The following WDR47 variants were observed in gnomAD, a reference collection of about 807,000 sequenced individuals.
The protein encoded by WDR47 is WD repeat-containing protein 47.
A neutral mutation model predicts 97.2 loss-of-function variants in WDR47; 32 were observed. That is an observed-to-expected ratio of 0.33 (90% CI 0.25 to 0.44). The LOEUF (loss-of-function observed/expected upper bound fraction) is 0.44. Among genes scored for constraint, WDR47 ranks in the 20% least tolerant of loss-of-function variants. WDR47 has a pLI of 1.00. For missense variants in WDR47, 782 were observed against 1,102.3 expected, an observed-to-expected ratio of 0.71 and a Z score of 4.11; for synonymous variants, 375 against 373.5, an observed-to-expected ratio of 1.00 and a Z score of -0.05.
intron 4 of WDR47, 140 bp from the exon 5 acceptor site, chr1:109,011,858 T>C (rs369773026): frequency 1.2e-5 from 9 of 774,638 alleles, no homozygotes; most frequent in Non-Finnish European, 1.4e-5. Context: ...GCTTTCAAGA[T>C]AGGAACATAA....
At chr1:109,015,491 T>TC (rs1172806492) in intron 3 of WDR47, among the ~76,000 whole-genome samples, 3 of 120,386 alleles carry the variant, frequency 2.5e-5, no homozygotes, top group African/African-American at 1.0e-4. Flanking sequence ...ATCCAGCCAA[T>TC]TTTTTTTTGT....
chr1:108,983,691 C>A (rs543643998), intron 10 of WDR47, among the ~76,000 whole-genome samples: 3 of 150,182 alleles, frequency 2.0e-5, no homozygotes, highest in African/African-American at 7.4e-5. Flanking sequence ...ACAGGATATA[C>A]GACTTAAAAA....
At chr1:109,028,362 GTTTTTTTTTTT>G (rs372929187) in intron 1 of WDR47, among the ~76,000 whole-genome samples, 1 of 79,788 alleles carries the variant, frequency 1.3e-5, no homozygotes, top group Non-Finnish European at 2.1e-5. Flanking sequence ...TTTTTGTTGG[GTTTTTTTTTTT>G]TTTTTTTTTT....
chr1:108,974,409 A>G, intron 14 of WDR47, 127 bp downstream of exon 14: 1 of 702,140 alleles, frequency 1.4e-6, no homozygotes, highest in South Asian at 2.0e-5. Context: ...ATAGTCTCAG[A>G]ATCTGCTCAA....
intron 1 of WDR47, among the ~76,000 whole-genome samples, chr1:109,036,330 A>G (rs931288761): frequency 4.8e-5 from 7 of 147,252 alleles, no homozygotes; most frequent in African/African-American, 1.8e-4. Flanking sequence ...TCCCAGCACT[A>G]TAGGAGCCTG....
At chr1:109,011,828 A>G in intron 4 of WDR47, 110 bp from the exon 5 acceptor site, 1 of 1,011,530 alleles carries the variant, frequency 9.9e-7, no homozygotes, top group Non-Finnish European at 1.4e-6. Context: ...ATACTCATAT[A>G]ATTTGTAGGA....
At chr1:108,996,293 C>A (rs35418560) in intron 7 of WDR47, among the ~76,000 whole-genome samples, 10,524 of 152,208 alleles carry the variant, frequency 0.069, 479 homozygotes, top group Middle Eastern at 0.13. Flanking sequence ...TGGGTTCAAG[C>A]TATCCTCCTG....
At position 109,027,445 on chromosome 1, in the gene WDR47, A is replaced by G. The variant is rs1662287315; in HGVS notation, c.-9-3924T>C. 2.0e-5 allele frequency among the ~76,000 whole-genome samples: 3 copies of G among 152,294 alleles called. No homozygotes were observed. The South Asian group carries it at 6.2e-4, about 32-fold the overall frequency. On this transcript the variant is annotated intron_variant, in intron 1 of 14. Transcript: ENST00000369962. The stretch of plus-strand genomic sequence containing the variant: ...TGCTTGATGACTATATCTTAGAATT[A>G]TTCTCTTCTAACTCCCTTGTATTAC...
chr1:108,986,034 G>C (rs1658772632), intron 10 of WDR47, among the ~76,000 whole-genome samples: 1 of 151,092 alleles, frequency 6.6e-6, no homozygotes, highest in Middle Eastern at 3.5e-3. Flanking sequence ...CTCAAACTAG[G>C]GTTATAATTA....
intron 1 of WDR47, chr1:109,030,215 C>T (rs1342806446): frequency 1.9e-6 from 3 of 1,552,994 alleles, no homozygotes; most frequent in East Asian, 4.6e-5. Flanking sequence ...TAGCCATGCA[C>T]AAATGGTAGT....
At chr1:109,004,808 A>T (rs1020896509) in intron 5 of WDR47, 93 bp from the exon 6 acceptor site, 7 of 1,367,924 alleles carry the variant, frequency 5.1e-6, no homozygotes, top group Middle Eastern at 2.6e-4. Flanking sequence ...TATTATTATT[A>T]TTTTTGAGAT....
chr1:109,031,681 TA>T (rs1191743717), intron 1 of WDR47, among the ~76,000 whole-genome samples: 1 of 139,472 alleles, frequency 7.2e-6, no homozygotes, highest in East Asian at 2.1e-4. Flanking sequence ...TAGAAGGAAT[TA>T]GTAAACTAAT....
chr1:109,027,926 T>C (rs1036313923), intron 1 of WDR47, among the ~76,000 whole-genome samples: 1 of 152,134 alleles, frequency 6.6e-6, no homozygotes, highest in Non-Finnish European at 1.5e-5. Flanking sequence ...TAAATAACTA[T>C]TCACCACAAA....
chr1:109,027,138 T>G (rs1355396862), intron 1 of WDR47, among the ~76,000 whole-genome samples: 1 of 152,036 alleles, frequency 6.6e-6, no homozygotes, highest in African/African-American at 2.4e-5. Flanking sequence ...GGCTGCAACC[T>G]CCGCCTCCCA....
At chr1:109,008,029 G>C (rs146601029) in intron 5 of WDR47, among the ~76,000 whole-genome samples, 1,605 of 151,812 alleles carry the variant, frequency 0.011, 29 homozygotes, top group African/African-American at 0.036. Flanking sequence ...TTGAACCCAG[G>C]AGGCAGAGGT....
In WDR47 at chr1:108,995,704, G is replaced by A. The variant is rs919326970; in HGVS notation, c.1567C>T (p.Pro523Ser). 2.5e-6 allele frequency: 4 copies of A among 1,613,964 alleles called. No homozygotes were observed. The highest frequency in any genetic ancestry group is 1.7e-5 in the Admixed American group (1 of 59,976). Residue 523 changes from proline to serine, a missense_variant, in exon 8 of 15, where the codon CCA becomes TCA. Transcript: ENST00000369962. The part of the protein sequence containing the change: ...NGSSVTSFTT[P>S]PQDSSQRLTH... ...AATCTCTGACTAGAGTCTTGGGGTG[G>A]TGTAGTAAAACTAGTCACAGAAGAA...
chr1:109,040,361 G>C lies in WDR47; in HGVS notation c.-10+1501C>G, dbSNP rs145973529. On this transcript the variant is annotated intron_variant, in intron 1 of 14. Transcript: ENST00000369962. ...ACTAATATATTCTATTTCACAAACA[G>C]GAAAAGAGGTTGAACACCATTATGT... Among the ~76,000 whole-genome samples the C allele has an allele frequency of 5.1e-3, 773 of 152,106 alleles. 3 individuals carry two copies. Among genetic ancestry groups the C allele is most frequent in the Non-Finnish European group, 8.6e-3 (585 of 67,998 alleles).
At chr1:109,012,380 T>C (rs1215184635) in intron 4 of WDR47, among the ~76,000 whole-genome samples, 4 of 151,852 alleles carry the variant, frequency 2.6e-5, no homozygotes, top group Non-Finnish European at 4.4e-5. Flanking sequence ...GAGACCAGCC[T>C]GGCCAACACA....
rs1661005393 is a variant in WDR47 at position 109,011,062 on chromosome 1, A to T, written c.984T>A (p.Asp328Glu). ...DGLTCGLTSH[D>E]KRISDLGNKT... ...TGTTTCCAAGGTCTGAAATTCTCTT[A>T]TCATGACTGGTTAGTCCACAGGTGA... The change falls in exon 5 of 15, where the codon GAT (aspartate) becomes GAA (glutamate). Residue 328 changes from aspartate to glutamate, a missense_variant. Physicochemically the swap from Asp to Glu is conservative, Grantham distance 45. Transcript: ENST00000369962. 6.2e-7 allele frequency: 1 copy of T among 1,614,140 alleles called. No individual in the cohort carries two copies. The highest frequency in any genetic ancestry group is 8.5e-7 in the Non-Finnish European group (1 of 1,180,026).
Sources: gnomAD v4.1 joint callset for allele counts (sites outside exome capture counted in the v4.1 genomes callset) on GRCh38, gnomAD v4.1.1 for gene constraint, MANE v1.5 for transcripts, NCBI Gene and HGNC (gene_info 2026-07-23, HGNC 2026-07-21) for gene names.